The following CLTA variants were observed in gnomAD, a reference collection of about 807,000 sequenced individuals.
CLTA encodes the protein clathrin, light polypeptide (Lca).
Under a neutral mutation model 26.9 loss-of-function variants are expected in CLTA, and 9 were observed. The observed-to-expected ratio is 0.33, with a 90% CI of 0.20 to 0.58. The LOEUF (loss-of-function observed/expected upper bound fraction) is 0.58, where lower values mean the gene tolerates loss of function less well. Ranked by LOEUF, CLTA falls within the 20% of genes least tolerant of loss-of-function variation. The pLI is 0.85. For missense variants in CLTA, 278 were observed against 294.2 expected (o/e 0.94, Z 0.40); for synonymous variants, 120 against 115.5 (o/e 1.04, Z -0.25).
rs921291488 is a variant in CLTA at position 36,190,952 on chromosome 9, C to T, written c.-105C>T. On this transcript the variant is annotated 5_prime_UTR_variant, in exon 1 of 5. Transcript: ENST00000345519. ...TACCCGTCTCCCTCCTGGCGCTTGT[C>T]CTCCTCTCCCAGTCGGCACCACAGC... 6 of 1,435,532 alleles carry T rather than the reference C, an allele frequency of 4.2e-6. No homozygotes were observed. The highest frequency in any genetic ancestry group is 5.4e-6 in the Non-Finnish European group (6 of 1,103,160). The allele number at this position is 1,435,532 out of a possible 1,614,324, so 88.9% of individuals were successfully genotyped here. A position where few individuals can be genotyped will look rare whatever the true frequency, so the allele number is the denominator to read the frequency against.
At chr9:36,202,463 ACT>A (rs1392204971) in intron 3 of CLTA, among the ~76,000 whole-genome samples, 10 of 152,122 alleles carry the variant, frequency 6.6e-5, no homozygotes, top group African/African-American at 2.4e-4. Flanking sequence ...CACTTTCAAA[ACT>A]CTGTCCAGAT....
At chr9:36,199,186 C>A in intron 3 of CLTA, 90 bp downstream of exon 3, 1 of 848,710 alleles carries the variant, frequency 1.2e-6, no homozygotes, top group Non-Finnish European at 2.0e-6. Flanking sequence ...TCACATTAAC[C>A]AGTGTCATTG....
At chr9:36,207,913 C>T (rs1021156978) in intron 4 of CLTA, among the ~76,000 whole-genome samples, 3 of 152,118 alleles carry the variant, frequency 2.0e-5, no homozygotes, top group Admixed American at 2.0e-4. Flanking sequence ...TCCTCCCACT[C>T]ATTCTGCCCA....
At chr9:36,207,760 T>C (rs1487249551) in intron 4 of CLTA, among the ~76,000 whole-genome samples, 6 of 152,342 alleles carry the variant, frequency 3.9e-5, no homozygotes, top group East Asian at 3.9e-4. Context: ...ATTCAAACTT[T>C]TGTTGTCTTA....
chr9:36,192,287 A>C (rs3780357), intron 1 of CLTA, among the ~76,000 whole-genome samples: 14,326 of 152,236 alleles, frequency 0.094, 912 homozygotes, highest in East Asian at 0.17. Flanking sequence ...CTGGCTTGAC[A>C]TGAGACAGTA....
chr9:36,208,615 A>G (rs917030154), intron 4 of CLTA, among the ~76,000 whole-genome samples: 1 of 152,200 alleles, frequency 6.6e-6, no homozygotes, highest in African/African-American at 2.4e-5. Flanking sequence ...AGTGTATCCC[A>G]CCCAGACAGT....
At chr9:36,201,983 C>T (rs1014980097) in intron 3 of CLTA, among the ~76,000 whole-genome samples, 4 of 151,464 alleles carry the variant, frequency 2.6e-5, no homozygotes, top group African/African-American at 4.9e-5. Context: ...TTGTGGTGCA[C>T]GCTTGTGGTC....
At chr9:36,191,302 A>G (rs1013630593) in intron 1 of CLTA, 29 bp downstream of exon 1, 2 of 1,483,884 alleles carry the variant, frequency 1.3e-6, no homozygotes, top group African/African-American at 2.9e-5. Context: ...TTGGGGCGAG[A>G]GGACTTGTCT....
rs1310991699 is a variant in CLTA, at chr9:36,204,145, G to C, written c.451G>C (p.Asp151His). 2.6e-5 allele frequency: 42 copies of C among 1,613,988 alleles called. No individual in the cohort carries two copies. The highest frequency in any genetic ancestry group is 3.6e-5 in the Non-Finnish European group (42 of 1,179,978). ...KELEEWYARQ[D>H]EQLQKTKANN... ...GCTAGAAGAATGGTATGCAAGACAG[G>C]ACGAGCAGCTACAGAAAACAAAAGC... is the stretch of plus-strand genomic sequence containing the variant. Residue 151 changes from aspartate (D) to histidine (H), a missense_variant, in exon 4 of 5, where the codon GAC (aspartate) becomes CAC (histidine). Asp to His is a moderately conservative substitution (Grantham distance 81, BLOSUM62 -1). Coordinates refer to ENST00000345519, the MANE Select transcript of CLTA (RefSeq NM_001833.4).
chr9:36,209,123 C>G, intron 4 of CLTA: 1 of 961,144 alleles, frequency 1.0e-6, no homozygotes, highest in Non-Finnish European at 1.6e-6. Context: ...CGCTGGAAGC[C>G]TCACGGGGGT....
intron 4 of CLTA, among the ~76,000 whole-genome samples, chr9:36,208,527 CA>C (rs1827850127): frequency 6.6e-6 from 1 of 152,180 alleles, no homozygotes. Context: ...TTCTTCCCAC[CA>C]GACCACTCAC....
chr9:36,211,975 G>T lies in CLTA; in HGVS notation c.*201G>T. On this transcript the variant is annotated 3_prime_UTR_variant, in exon 5 of 5. Coordinates refer to ENST00000345519, the MANE Select transcript of CLTA (RefSeq NM_001833.4). The stretch of plus-strand genomic sequence containing the variant: ...TCAGAGAGGAGGGAGAGGAGGAAGA[G>T]GAAGGGGAGGGAAGCTTCCCAAGAG... The T allele has an allele frequency of 1.4e-6, 1 of 693,060 alleles. No homozygotes were observed. Among genetic ancestry groups the T allele is most frequent in the Non-Finnish European group, 2.6e-6 (1 of 383,124 alleles). The allele number at this position is 693,060 out of a possible 1,614,324, so 42.9% of individuals were successfully genotyped here. A position where few individuals can be genotyped will look rare whatever the true frequency, so the allele number is the denominator to read the frequency against.
At position 36,191,190 on chromosome 9, in the gene CLTA, G is replaced by T; in HGVS notation, c.134G>T (p.Gly45Val). The T allele has an allele frequency of 6.3e-7, 1 of 1,585,348 alleles. No homozygotes were observed. The change falls in exon 1 of 5, where the codon GGC becomes GTC. Residue 45 changes from glycine to valine, a missense_variant. Gly to Val is a moderately radical substitution (Grantham distance 109). Coordinates refer to ENST00000345519, the MANE Select transcript of CLTA (RefSeq NM_001833.4). Reference protein sequence around the residue: ...FLAQQESEIAGIENDEAFAIL... With the variant: ...FLAQQESEIAVIENDEAFAIL... ...GCGCAGCAAGAGAGCGAGATTGCGG[G>T]CATCGAGAACGACGAGGCCTTCGCC...
In CLTA at chr9:36,211,642, G is replaced by T. The variant is rs749946417; in HGVS notation, c.525G>T (p.Ser175=). The stretch of plus-strand genomic sequence containing the variant: ...CCTTTGTAAATGACATTGACGAGTC[G>T]TCCCCAGGCACTGAGTGGGAACGGG... ...EEAFVNDIDE[S]SPGTEWERVA... Residue 175 remains serine, a synonymous_variant, in exon 5 of 5, where the codon TCG becomes TCT. Coordinates refer to ENST00000345519, the MANE Select transcript of CLTA (RefSeq NM_001833.4). The T allele has an allele frequency of 6.2e-7, 1 of 1,613,510 alleles. No individual in the cohort carries two copies. The highest frequency in any genetic ancestry group is 1.3e-5 in the African/African-American group (1 of 74,866).
chr9:36,211,830 C>G lies in CLTA; in HGVS notation c.*56C>G. On this transcript the variant is annotated 3_prime_UTR_variant, in exon 5 of 5. Coordinates refer to ENST00000345519, the MANE Select transcript of CLTA (RefSeq NM_001833.4). ...AATATCTTAATCCTACTCAGTGAAG[C>G]TCTTCACAGTCATTGGATTAATTAT... 1 of 1,386,092 alleles carries G rather than the reference C, an allele frequency of 7.2e-7. No homozygotes were observed. Among genetic ancestry groups the G allele is most frequent in the Non-Finnish European group, 1.0e-6 (1 of 994,918 alleles). The allele number at this position is 1,386,092 out of a possible 1,614,324, so 85.9% of individuals were successfully genotyped here.
At chr9:36,209,950 C>G (rs776587574) in intron 4 of CLTA, among the ~76,000 whole-genome samples, 15 of 152,180 alleles carry the variant, frequency 9.9e-5, no homozygotes, top group Non-Finnish European at 1.3e-4. Context: ...TTCTGATGTC[C>G]TGTCTCCTAG....
At chr9:36,202,818 C>CT (rs60289579) in intron 3 of CLTA, among the ~76,000 whole-genome samples, 3,196 of 142,952 alleles carry the variant, frequency 0.022, 89 homozygotes, top group African/African-American at 0.066. Context: ...ACATGTATTT[C>CT]TTTTTTTTTT....
intron 2 of CLTA, among the ~76,000 whole-genome samples, chr9:36,197,979 A>T (rs1223968317): frequency 6.8e-6 from 1 of 146,496 alleles, no homozygotes; most frequent in Non-Finnish European, 1.5e-5. Flanking sequence ...TTTTGTAAAG[A>T]TTAACATTTA....
At chr9:36,198,924 C>T in intron 2 of CLTA, 55 bp from the exon 3 acceptor site, 1 of 1,158,228 alleles carries the variant, frequency 8.6e-7, no homozygotes. Flanking sequence ...AGGTGAAGTG[C>T]ATTTTAGGAA....
Sources: gnomAD v4.1 joint callset for allele counts (sites outside exome capture counted in the v4.1 genomes callset) on GRCh38, gnomAD v4.1.1 for gene constraint, MANE v1.5 for transcripts, NCBI Gene and HGNC (gene_info 2026-07-23, HGNC 2026-07-21) for gene names.